ACTL8: variants seen among roughly 807,000 people sequenced by gnomAD.
ACTL8 encodes actin like 8.
ACTL8 carries 3 observed loss-of-function variants against 9.3 expected under a neutral mutation model. That is an observed-to-expected ratio of 0.32 (90% CI 0.15 to 0.83). ACTL8 has a LOEUF of 0.83. Ranked by LOEUF, ACTL8 falls within the 40% of genes least tolerant of loss-of-function variation. The pLI is 0.57. For synonymous variants in ACTL8, 224 were observed against 205.9 expected (o/e 1.09, Z -0.75); for missense variants, 381 against 492.2 (o/e 0.77, Z 2.14).
chr1:17,773,966 A>T (rs1313120055), intron 1 of ACTL8, among the ~76,000 whole-genome samples: 1 of 152,228 alleles, frequency 6.6e-6, no homozygotes, highest in Non-Finnish European at 1.5e-5. Context: ...GAGGGTAGCC[A>T]GAGGTGGTGG....
chr1:17,790,322 G>C (rs1401020824), intron 1 of ACTL8, among the ~76,000 whole-genome samples: 1 of 152,240 alleles, frequency 6.6e-6, no homozygotes, highest in Non-Finnish European at 1.5e-5. Flanking sequence ...GTGAGCAAGG[G>C]TCATGTTTCA....
chr1:17,805,718 C>T (rs1213811548), intron 1 of ACTL8, among the ~76,000 whole-genome samples: 2 of 152,206 alleles, frequency 1.3e-5, no homozygotes, highest in Non-Finnish European at 1.5e-5. Flanking sequence ...GACATGCATA[C>T]ACACCCTCCA....
intron 1 of ACTL8, among the ~76,000 whole-genome samples, chr1:17,777,920 A>G (rs1473726052): frequency 6.6e-6 from 1 of 151,054 alleles, no homozygotes; most frequent in East Asian, 2.0e-4. Flanking sequence ...CTTGTCTTGA[A>G]CTCCTCACTT....
intron 1 of ACTL8, among the ~76,000 whole-genome samples, chr1:17,784,449 C>T (rs1309684252): frequency 6.6e-6 from 1 of 152,188 alleles, no homozygotes; most frequent in Non-Finnish European, 1.5e-5. Context: ...CTCATAGGAA[C>T]ATTAGAAAGC....
chr1:17,816,910 C>T (rs2066430088), intron 1 of ACTL8, among the ~76,000 whole-genome samples: 1 of 152,196 alleles, frequency 6.6e-6, no homozygotes, highest in African/African-American at 2.4e-5. Context: ...AAACTTGTCT[C>T]AGGTCAAAGT....
intron 1 of ACTL8, among the ~76,000 whole-genome samples, chr1:17,795,130 C>T (rs965633665): frequency 1.3e-5 from 2 of 152,258 alleles, no homozygotes; most frequent in African/African-American, 2.4e-5. Flanking sequence ...ATAGCATTCT[C>T]GCTCGCACTG....
chr1:17,805,607 C>T (rs996610530), intron 1 of ACTL8, among the ~76,000 whole-genome samples: 4 of 151,974 alleles, frequency 2.6e-5, no homozygotes, highest in African/African-American at 4.8e-5. Flanking sequence ...TCTCAAACTC[C>T]TGACCTTGTG....
At position 17,819,611 on chromosome 1, in the gene ACTL8, A is replaced by G. The variant is rs536989382; in HGVS notation, c.-24-3374A>G. On this transcript the variant is annotated intron_variant, in intron 1 of 2. Transcript: ENST00000375406. ...CTGCCTTTCCGGAGGCCTCTCTTAC[A>G]GGAAACACCCACATACAGTCTAGGC... 2.0e-5 allele frequency among the ~76,000 whole-genome samples: 3 copies of G among 152,380 alleles called. No individual in the cohort carries two copies. The South Asian group carries it at 6.2e-4, about 32-fold the overall frequency.
At chr1:17,782,655 G>T (rs539955839) in intron 1 of ACTL8, among the ~76,000 whole-genome samples, 1 of 152,286 alleles carries the variant, frequency 6.6e-6, no homozygotes, top group South Asian at 2.1e-4. Context: ...TTGTCTGGTT[G>T]TACTGCACCT....
intron 1 of ACTL8, among the ~76,000 whole-genome samples, chr1:17,777,819 C>A (rs1557431803): frequency 6.6e-6 from 1 of 152,212 alleles, no homozygotes. Flanking sequence ...CTGCCTCAGC[C>A]TCCCGAGTAG....
At chr1:17,792,122 C>G (rs926009904) in intron 1 of ACTL8, among the ~76,000 whole-genome samples, 2 of 152,214 alleles carry the variant, frequency 1.3e-5, no homozygotes, top group Non-Finnish European at 2.9e-5. Context: ...CTGTGTGGCT[C>G]AGCCAGGTCA....
rs146698975 is a variant in ACTL8, at chr1:17,772,404, T to C, written c.-25+16900T>C. Among the ~76,000 whole-genome samples, 1,479 of 152,140 alleles carry C rather than the reference T, an allele frequency of 9.7e-3. 32 individuals carry two copies. Among genetic ancestry groups the C allele is most frequent in the African/African-American group, 0.034 (1,401 of 41,494 alleles). ...CCTGTGAAGGTTTCTGGGCTTTCGG[T>C]GAGGTTGATCCTCTCCTAAAGTCGG... On this transcript the variant is annotated intron_variant, in intron 1 of 2. Transcript: ENST00000375406.
At chr1:17,776,273 C>T (rs2066117449) in intron 1 of ACTL8, among the ~76,000 whole-genome samples, 1 of 152,188 alleles carries the variant, frequency 6.6e-6, no homozygotes, top group Non-Finnish European at 1.5e-5. Context: ...TGACAGCTGT[C>T]CTCTCTGAGA....
chr1:17,772,676 G>A (rs945302294), intron 1 of ACTL8, among the ~76,000 whole-genome samples: 1 of 152,210 alleles, frequency 6.6e-6, no homozygotes, highest in South Asian at 2.1e-4. Context: ...CGAGAGGGGA[G>A]CAGTGATGTT....
chr1:17,817,397 A>G (rs908176310), intron 1 of ACTL8, among the ~76,000 whole-genome samples: 32 of 152,186 alleles, frequency 2.1e-4, no homozygotes, highest in African/African-American at 7.7e-4. Flanking sequence ...TTCAATGGAC[A>G]TGCTTTAGCC....
intron 1 of ACTL8, among the ~76,000 whole-genome samples, chr1:17,765,669 C>T (rs1002396711): frequency 4.6e-5 from 7 of 152,212 alleles, no homozygotes; most frequent in African/African-American, 1.7e-4. Context: ...TAGCACGTCA[C>T]CCGGCTCTCT....
At chr1:17,800,944 G>A (rs897453111) in intron 1 of ACTL8, among the ~76,000 whole-genome samples, 3 of 152,074 alleles carry the variant, frequency 2.0e-5, no homozygotes, top group South Asian at 2.1e-4. Flanking sequence ...AGCTAAGGGC[G>A]GCATTTGCTG....
At chr1:17,776,207 G>A (rs2066117159) in intron 1 of ACTL8, among the ~76,000 whole-genome samples, 1 of 152,190 alleles carries the variant, frequency 6.6e-6, no homozygotes, top group Admixed American at 6.5e-5. Flanking sequence ...GAAGGTCCTA[G>A]GCAGGATGGG....
intron 1 of ACTL8, among the ~76,000 whole-genome samples, chr1:17,814,096 T>C (rs759556527): frequency 2.6e-5 from 4 of 152,226 alleles, no homozygotes; most frequent in Non-Finnish European, 5.9e-5. Flanking sequence ...TCGATTACAG[T>C]CATTCACCAC....
Sources: allele counts gnomAD v4.1 joint callset (sites outside exome capture counted in the v4.1 genomes callset), GRCh38; gene constraint gnomAD v4.1.1; transcripts MANE v1.5; gene names NCBI Gene and HGNC (gene_info 2026-07-23, HGNC 2026-07-21).